Variants in XYLT1 observed in about 807,000 individuals in gnomAD.
XYLT1 encodes the protein xylosyltransferase 1, also known as beta-D-xylosyltransferase 1.
In XYLT1, 36 loss-of-function variants were observed where a neutral mutation model predicts 91.3. The observed-to-expected ratio is 0.39, with a 90% confidence interval of 0.30 to 0.52. The LOEUF is 0.52. Among genes scored for constraint, XYLT1 ranks in the 20% least tolerant of loss-of-function variants. The pLI, the probability that XYLT1 is intolerant of heterozygous loss-of-function variation, is 0.68. For missense variants in XYLT1, 1,242 were observed against 1,284.5 expected, an observed-to-expected ratio of 0.97 and a Z score of 0.51; for synonymous variants, 588 against 532.0, an observed-to-expected ratio of 1.11 and a Z score of -1.45.
intron 1 of XYLT1, among the ~76,000 whole-genome samples, chr16:17,401,297 C>T: frequency 6.6e-6 from 1 of 152,174 alleles, no homozygotes; most frequent in Non-Finnish European, 1.5e-5. Context: ...GGGAATGGAG[C>T]CACCCGGGGT....
rs375653119 is a variant in XYLT1 at position 17,178,335 on chromosome 16, C to T, written c.1290-19426G>A. On this transcript the variant is annotated intron_variant, in intron 5 of 11. Transcript: ENST00000261381. ...AGCTACCCAGGACTGGGTAGAAATC[C>T]AGGTCAAGGCCTAGGGGAGGTAGAG... Among the ~76,000 whole-genome samples the T allele has an allele frequency of 2.6e-3, 390 of 152,184 alleles. 2 individuals carry two copies. The highest frequency in any genetic ancestry group is 9.1e-3 in the African/African-American group (378 of 41,522).
chr16:17,356,753 C>T (rs8047617), intron 2 of XYLT1, among the ~76,000 whole-genome samples: 23,679 of 152,124 alleles, frequency 0.16, 2,807 homozygotes, highest in African/African-American at 0.33. Flanking sequence ...GGGCTCTGAA[C>T]GAGGCCTGTC....
rs149377164 is a variant in XYLT1 at position 17,319,478 on chromosome 16, T to C, written c.402+38534A>G. On this transcript the variant is annotated intron_variant, in intron 2 of 11. Transcript: ENST00000261381. ...TTTTTTTTTTTGGAAACTAAATCTG[T>C]GTCACCCAGGCTGGAGTGCAGTGGC... 8.1e-3 allele frequency among the ~76,000 whole-genome samples: 1,224 copies of C among 151,714 alleles called. 17 individuals are homozygous for C. Among genetic ancestry groups the C allele is most frequent in the African/African-American group, 0.029 (1,183 of 41,300 alleles).
intron 1 of XYLT1, among the ~76,000 whole-genome samples, chr16:17,391,630 T>C (rs142987972): frequency 6.6e-6 from 1 of 152,274 alleles, no homozygotes; most frequent in Admixed American, 6.5e-5. Context: ...TCATCTTGGA[T>C]CCCAACATCC....
intron 1 of XYLT1, among the ~76,000 whole-genome samples, chr16:17,374,125 A>T (rs955897703): frequency 7.9e-5 from 12 of 152,244 alleles, no homozygotes; most frequent in African/African-American, 2.7e-4. Context: ...TGTCCAAGGT[A>T]GAGGAGAGGA....
At chr16:17,233,685 A>T (rs2033201800) in intron 3 of XYLT1, among the ~76,000 whole-genome samples, 2 of 152,182 alleles carry the variant, frequency 1.3e-5, no homozygotes, top group African/African-American at 4.8e-5. Flanking sequence ...TTACAAAAAG[A>T]ATAATAATTG....
intron 6 of XYLT1, among the ~76,000 whole-genome samples, chr16:17,156,062 C>T (rs1481467877): frequency 6.6e-6 from 1 of 152,208 alleles, no homozygotes; most frequent in African/African-American, 2.4e-5. Context: ...CTCATTTAAT[C>T]TTCTCAATGA....
At chr16:17,410,788 G>A (rs905403880) in intron 1 of XYLT1, among the ~76,000 whole-genome samples, 6 of 151,874 alleles carry the variant, frequency 4.0e-5, no homozygotes, top group Admixed American at 1.3e-4. Flanking sequence ...GATGGCAGGC[G>A]TATATCAGCA....
intron 1 of XYLT1, among the ~76,000 whole-genome samples, chr16:17,384,260 T>C (rs1259105284): frequency 2.0e-5 from 3 of 151,676 alleles, no homozygotes; most frequent in Non-Finnish European, 4.4e-5. Context: ...GAGTTGATGC[T>C]GTACAACCAA....
intron 1 of XYLT1, among the ~76,000 whole-genome samples, chr16:17,456,130 T>C (rs957369006): frequency 5.3e-5 from 8 of 152,138 alleles, no homozygotes; most frequent in African/African-American, 1.7e-4. Flanking sequence ...AGGATGGGAA[T>C]CAGGGTGAGG....
chr16:17,127,700 G>A lies in XYLT1; in HGVS notation c.2189C>T (p.Pro730Leu). ...MPKKVFKIAS[P>L]PSDFGRLQFS... is the part of the protein sequence containing the mutation. The stretch of plus-strand genomic sequence containing the variant: ...CTGAAGCCTCCCAAAGTCACTGGGT[G>A]GGCTTGCGATCTTGAAGACTTTTTT... The change falls in exon 10 of 12, where the codon CCA becomes CTA. Residue 730 changes from proline to leucine, a missense_variant. By Grantham distance (98) the Pro-to-Leu change is moderately conservative. Transcript: ENST00000261381. 1 of 1,614,138 alleles carries A rather than the reference G, an allele frequency of 6.2e-7. No homozygotes were observed. Among genetic ancestry groups the A allele is most frequent in the Non-Finnish European group, 8.5e-7 (1 of 1,179,998 alleles).
intron 3 of XYLT1, among the ~76,000 whole-genome samples, chr16:17,207,083 G>A (rs1467409889): frequency 7.9e-6 from 1 of 126,596 alleles, no homozygotes; most frequent in African/African-American, 3.1e-5. Flanking sequence ...TTGAGACAGA[G>A]TTTCACTCTT....
At position 17,347,443 on chromosome 16, in the gene XYLT1, C is replaced by T. The variant is rs572284844; in HGVS notation, c.402+10569G>A. On this transcript the variant is annotated intron_variant, in intron 2 of 11. Transcript: ENST00000261381. ...ACCCTGCCTGGGGCATCTCTTCTCA[C>T]ACATGTGGCTTCTCTGGTGCTTTAT... Among the ~76,000 whole-genome samples the T allele has an allele frequency of 2.6e-5, 4 of 152,334 alleles. No individual in the cohort carries two copies. The South Asian group carries it at 8.3e-4, about 32-fold the overall frequency.
chr16:17,399,404 G>T (rs967690265), intron 1 of XYLT1, among the ~76,000 whole-genome samples: 5 of 152,084 alleles, frequency 3.3e-5, no homozygotes, highest in Non-Finnish European at 7.4e-5. Context: ...ACAACTCCAG[G>T]CCTCCAGCAC....
chr16:17,444,935 T>C (rs754800064), intron 1 of XYLT1, among the ~76,000 whole-genome samples: 5 of 152,190 alleles, frequency 3.3e-5, no homozygotes, highest in Non-Finnish European at 5.9e-5. Context: ...ACCTGGAGCA[T>C]AGTAGGTGCT....
chr16:17,157,739 T>C (rs2031443593), intron 6 of XYLT1, among the ~76,000 whole-genome samples: 1 of 151,950 alleles, frequency 6.6e-6, no homozygotes, highest in Admixed American at 6.5e-5. Flanking sequence ...TGGTGTTTAA[T>C]GGTGTTTTCT....
chr16:17,275,226 T>G (rs2033956361), intron 2 of XYLT1, among the ~76,000 whole-genome samples: 1 of 151,994 alleles, frequency 6.6e-6, no homozygotes, highest in African/African-American at 2.4e-5. Context: ...ACAACTCTAT[T>G]GGGTAGGTGC....
intron 6 of XYLT1, among the ~76,000 whole-genome samples, chr16:17,153,813 G>A (rs2031340991): frequency 6.6e-6 from 1 of 152,066 alleles, no homozygotes; most frequent in African/African-American, 2.4e-5. Context: ...GTAGGGGAAG[G>A]ACCTACCCTC....
rs753517047 is a variant in XYLT1 at position 17,138,342 on chromosome 16, G to A, written c.1764+13C>T. 3.3e-5 allele frequency: 53 copies of A among 1,605,516 alleles called. No individual in the cohort carries two copies. The highest frequency in any genetic ancestry group is 3.9e-5 in the Non-Finnish European group (46 of 1,173,552). On this transcript the variant is annotated intron_variant, in intron 8 of 11. Coordinates refer to ENST00000261381, the MANE Select transcript of XYLT1 (RefSeq NM_022166.4). ...ATCACTTAGGAGGCTGGCAGACCAT[G>A]AGAAAGTCTCACCTGGAAGCGGTGG...
Sources: gnomAD v4.1 joint callset for allele counts (sites outside exome capture counted in the v4.1 genomes callset) on GRCh38, gnomAD v4.1.1 for gene constraint, MANE v1.5 for transcripts, NCBI Gene and HGNC (gene_info 2026-07-23, HGNC 2026-07-21) for gene names.